CPA6: variants seen among roughly 807,000 people sequenced by gnomAD.
CPA6 encodes carboxypeptidase A6, also known as carboxypeptidase B.
A neutral mutation model predicts 63.3 loss-of-function variants in CPA6; 58 were observed. The observed-to-expected ratio is 0.92, with a 90% confidence interval of 0.74 to 1.14. The LOEUF (loss-of-function observed/expected upper bound fraction) is 1.14, where lower values mean the gene tolerates loss of function less well. Ranked by LOEUF, CPA6 falls within the 50% of genes most tolerant of loss-of-function variation. CPA6 has a pLI of 0.00. For synonymous variants in CPA6, 185 were observed against 179.0 expected, an observed-to-expected ratio of 1.03 and a Z score of -0.27; for missense variants, 565 against 526.6, an observed-to-expected ratio of 1.07 and a Z score of -0.71.
intron 1 of CPA6, among the ~76,000 whole-genome samples, chr8:67,723,345 A>G (rs537219050): frequency 7.9e-4 from 120 of 152,322 alleles, no homozygotes; most frequent in Middle Eastern, 3.4e-3. Flanking sequence ...ATTTTTATTT[A>G]AATAGAGACG....
intron 6 of CPA6, among the ~76,000 whole-genome samples, chr8:67,506,134 C>A (rs1665884374): frequency 6.6e-6 from 1 of 151,798 alleles, no homozygotes; most frequent in Admixed American, 6.6e-5. Flanking sequence ...AAAGTGTTGG[C>A]ACAAAAGGCT....
intron 1 of CPA6, among the ~76,000 whole-genome samples, chr8:67,698,685 C>A (rs1055444304): frequency 1.3e-5 from 2 of 152,154 alleles, no homozygotes; most frequent in Non-Finnish European, 2.9e-5. Flanking sequence ...CTCCTCTCCC[C>A]AACTGGATTT....
At chr8:67,450,271 G>C (rs773135604) in intron 8 of CPA6, among the ~76,000 whole-genome samples, 111 of 152,260 alleles carry the variant, frequency 7.3e-4, no homozygotes, top group Non-Finnish European at 1.3e-3. Context: ...TAGGTAATAT[G>C]CTTACTTCAT....
At chr8:67,477,114 C>A (rs6472309) in intron 8 of CPA6, among the ~76,000 whole-genome samples, 47,084 of 151,440 alleles carry the variant, frequency 0.31, 7,447 homozygotes, top group Middle Eastern at 0.45. Flanking sequence ...CACGGTGAAA[C>A]CCCATCTCTA....
chr8:67,500,307 G>T (rs1017600803), intron 6 of CPA6, among the ~76,000 whole-genome samples: 1 of 152,062 alleles, frequency 6.6e-6, no homozygotes, highest in East Asian at 1.9e-4. Flanking sequence ...TCTTTTTTGC[G>T]TGTGCTTATT....
intron 2 of CPA6, among the ~76,000 whole-genome samples, chr8:67,523,445 T>C (rs918107224): frequency 2.6e-5 from 4 of 151,942 alleles, no homozygotes; most frequent in African/African-American, 9.7e-5. Flanking sequence ...AGGAGAATAG[T>C]GTGAACCTGG....
At chr8:67,474,383 G>A (rs896253529) in intron 8 of CPA6, among the ~76,000 whole-genome samples, 8 of 151,894 alleles carry the variant, frequency 5.3e-5, no homozygotes, top group African/African-American at 1.9e-4. Flanking sequence ...CACCAAGCCC[G>A]GCTAATTTTT....
intron 8 of CPA6, among the ~76,000 whole-genome samples, chr8:67,456,679 C>T (rs1810683732): frequency 6.6e-6 from 1 of 152,100 alleles, no homozygotes; most frequent in South Asian, 2.1e-4. Flanking sequence ...AATAATGGCC[C>T]CCCAAAATCA....
At chr8:67,561,482 A>T (rs1251745712) in intron 2 of CPA6, among the ~76,000 whole-genome samples, 1 of 152,212 alleles carries the variant, frequency 6.6e-6, no homozygotes, top group African/African-American at 2.4e-5. Context: ...TCTAGTCACG[A>T]GGAAACGTCA....
intron 2 of CPA6, among the ~76,000 whole-genome samples, chr8:67,532,229 A>G (rs1812492252): frequency 6.6e-6 from 1 of 152,202 alleles, no homozygotes; most frequent in African/African-American, 2.4e-5. Context: ...TTTCTGAAGT[A>G]TATTTAAAAT....
At chr8:67,539,728 G>A (rs545054247) in intron 2 of CPA6, among the ~76,000 whole-genome samples, 29 of 151,976 alleles carry the variant, frequency 1.9e-4, no homozygotes, top group African/African-American at 4.1e-4. Context: ...TGTTGTCTTC[G>A]TGCTTTATTT....
At chr8:67,471,588 G>A (rs575443993) in intron 8 of CPA6, among the ~76,000 whole-genome samples, 295 of 152,132 alleles carry the variant, frequency 1.9e-3, no homozygotes, top group Non-Finnish European at 3.0e-3. Flanking sequence ...TGGAGTTTGG[G>A]AAATGCTGTT....
At chr8:67,728,457 G>C (rs924347430) in intron 1 of CPA6, among the ~76,000 whole-genome samples, 3 of 151,918 alleles carry the variant, frequency 2.0e-5, no homozygotes, top group Admixed American at 6.6e-5. Flanking sequence ...ATTTATAGCC[G>C]GCACAAAAGG....
chr8:67,543,799 T>TTC (rs1197812363), intron 2 of CPA6, among the ~76,000 whole-genome samples: 7 of 151,792 alleles, frequency 4.6e-5, no homozygotes, highest in African/African-American at 1.7e-4. Flanking sequence ...TTATTATTTT[T>TTC]AAGAGACAGG....
intron 8 of CPA6, among the ~76,000 whole-genome samples, chr8:67,475,922 CTTTCTTTCTTTCTCTTTCTTTCTCTG>C (rs1563968248): frequency 8.4e-5 from 7 of 82,944 alleles, no homozygotes; most frequent in African/African-American, 3.0e-4. Flanking sequence ...TTCTTTCTTT[CTTTCTTTCTTTCTCTTTCTTTCTCTG>C]TCTTTCTTTC....
intron 1 of CPA6, among the ~76,000 whole-genome samples, chr8:67,688,052 G>C (rs1816742151): frequency 6.6e-6 from 1 of 152,102 alleles, no homozygotes; most frequent in South Asian, 2.1e-4. Context: ...CATGCCTATA[G>C]TCCCAGCTAC....
At chr8:67,475,937 T>C (rs1811223717) in intron 8 of CPA6, among the ~76,000 whole-genome samples, 2 of 142,066 alleles carry the variant, frequency 1.4e-5, no homozygotes, top group African/African-American at 2.7e-5. Context: ...TTTCTTTCTC[T>C]TTCTTTCTCT....
intron 8 of CPA6, among the ~76,000 whole-genome samples, chr8:67,471,042 C>T (rs761628331): frequency 1.3e-5 from 2 of 152,268 alleles, no homozygotes; most frequent in East Asian, 1.9e-4. Flanking sequence ...GTCCTTCCTT[C>T]GACACAGAAC....
intron 2 of CPA6, among the ~76,000 whole-genome samples, chr8:67,618,395 T>C (rs1383660372): frequency 1.3e-5 from 2 of 152,106 alleles, no homozygotes; most frequent in Non-Finnish European, 2.9e-5. Flanking sequence ...GACTTGGTAG[T>C]GCACCAAGGA....
Sources: allele counts gnomAD v4.1 joint callset (sites outside exome capture counted in the v4.1 genomes callset), GRCh38; gene constraint gnomAD v4.1.1; transcripts MANE v1.5; gene names NCBI Gene and HGNC (gene_info 2026-07-23, HGNC 2026-07-21).